The following TIAM1 variants were observed in gnomAD, a reference collection of about 807,000 sequenced individuals.
The protein encoded by TIAM1 is rho guanine nucleotide exchange factor TIAM1.
A neutral mutation model predicts 163.5 loss-of-function variants in TIAM1; 65 were observed. That is an observed-to-expected ratio of 0.40 (90% CI 0.33 to 0.49). The LOEUF (loss-of-function observed/expected upper bound fraction) is 0.49. TIAM1 is among the 20% of genes least tolerant of loss of function. TIAM1 has a pLI of 0.77. For synonymous variants in TIAM1, 833 were observed against 810.1 expected, an observed-to-expected ratio of 1.03 and a Z score of -0.48; for missense variants, 1,789 against 2,044.7, an observed-to-expected ratio of 0.87 and a Z score of 2.41.
chr21:31,285,365 G>A (rs983812823), intron 2 of TIAM1, among the ~76,000 whole-genome samples: 10 of 152,152 alleles, frequency 6.6e-5, no homozygotes, highest in African/African-American at 2.4e-4. Flanking sequence ...CAACAGAGAA[G>A]ATAATCCCAA....
chr21:31,220,466 T>A (rs1185903131), intron 8 of TIAM1, among the ~76,000 whole-genome samples: 3 of 152,180 alleles, frequency 2.0e-5, no homozygotes. Context: ...ACCTGCACGT[T>A]GTGCACATGT....
intron 16 of TIAM1, among the ~76,000 whole-genome samples, chr21:31,159,687 T>A (rs8129455): frequency 0.015 from 2,213 of 152,366 alleles, 49 homozygotes; most frequent in African/African-American, 0.049. Flanking sequence ...GAAGGCTTAT[T>A]TGAGCAAATC....
chr21:31,517,958 A>C (rs934896143), intron 1 of TIAM1, among the ~76,000 whole-genome samples: 1 of 152,218 alleles, frequency 6.6e-6, no homozygotes, highest in African/African-American at 2.4e-5. Context: ...GGTTCAAACA[A>C]GTATATGAGC....
At chr21:31,540,519 G>C (rs558205256) in intron 1 of TIAM1, among the ~76,000 whole-genome samples, 1 of 152,196 alleles carries the variant, frequency 6.6e-6, no homozygotes, top group Non-Finnish European at 1.5e-5. Context: ...CAGGAGGATC[G>C]CTTAAGCCTG....
chr21:31,210,630 A>G (rs1601559918), intron 10 of TIAM1, among the ~76,000 whole-genome samples: 2 of 18,802 alleles, frequency 1.1e-4, no homozygotes, highest in Admixed American at 4.6e-4. Context: ...AGAAAGAAAG[A>G]AAGAAAGAAA....
At chr21:31,289,648 T>A (rs898271604) in intron 2 of TIAM1, among the ~76,000 whole-genome samples, 10 of 152,178 alleles carry the variant, frequency 6.6e-5, no homozygotes, top group Non-Finnish European at 1.3e-4. Flanking sequence ...TCATTGCGAA[T>A]CAGATTTGTT....
intron 2 of TIAM1, among the ~76,000 whole-genome samples, chr21:31,439,733 T>C (rs981642620): frequency 1.3e-5 from 2 of 152,182 alleles, no homozygotes; most frequent in African/African-American, 4.8e-5. Flanking sequence ...TGGTAAGAAA[T>C]AGAACTTACT....
chr21:31,191,807 C>T (rs553821745), intron 13 of TIAM1, among the ~76,000 whole-genome samples: 2 of 152,306 alleles, frequency 1.3e-5, no homozygotes, highest in South Asian at 4.1e-4. Flanking sequence ...AAAATGTATA[C>T]AAACGGTAGC....
At chr21:31,303,544 A>G (rs1053288491) in intron 2 of TIAM1, among the ~76,000 whole-genome samples, 2 of 152,186 alleles carry the variant, frequency 1.3e-5, no homozygotes, top group African/African-American at 4.8e-5. Context: ...TCATATTTAA[A>G]TAACTTTTGA....
chr21:31,320,780 T>A (rs1477570324), intron 2 of TIAM1, among the ~76,000 whole-genome samples: 1 of 152,162 alleles, frequency 6.6e-6, no homozygotes, highest in Non-Finnish European at 1.5e-5. Flanking sequence ...GATCACTTGA[T>A]GCCACAAGTT....
chr21:31,233,618 T>A (rs2088563639), intron 6 of TIAM1, among the ~76,000 whole-genome samples: 1 of 152,154 alleles, frequency 6.6e-6, no homozygotes, highest in Non-Finnish European at 1.5e-5. Context: ...GGCAGGAGAA[T>A]TGCTCGAACC....
chr21:31,293,199 A>G (rs1206098817), intron 2 of TIAM1, among the ~76,000 whole-genome samples: 1 of 151,936 alleles, frequency 6.6e-6, no homozygotes. Context: ...AGGGTTGGAG[A>G]CCCAGGGAAA....
At chr21:31,181,756 CTTTTTT>C in intron 15 of TIAM1, among the ~76,000 whole-genome samples, 1 of 41,338 alleles carries the variant, frequency 2.4e-5, no homozygotes, top group African/African-American at 7.9e-5. Flanking sequence ...TCTTCTTCTT[CTTTTTT>C]TTTTTTTTTT....
rs137880091 is a variant in TIAM1, at chr21:31,136,394, A to C, written c.3775-353T>G. On this transcript the variant is annotated intron_variant, in intron 22 of 27. Transcript: ENST00000541036. ...CACCACCTCCCATCAAAACAGGCTG[A>C]AGATACAATATCCAGTTAACCTTTC... is the stretch of plus-strand genomic sequence containing the variant. 3.6e-3 allele frequency among the ~76,000 whole-genome samples: 551 copies of C among 152,340 alleles called. 1 individual carries two copies. The highest frequency in any genetic ancestry group is 0.012 in the African/African-American group (513 of 41,572).
intron 6 of TIAM1, among the ~76,000 whole-genome samples, chr21:31,239,226 G>A (rs2071042668): frequency 6.6e-6 from 1 of 151,954 alleles, no homozygotes; most frequent in African/African-American, 2.4e-5. Flanking sequence ...TGGTGCAAGT[G>A]ATCCTCCCAC....
At chr21:31,456,182 T>C (rs2147338316) in intron 2 of TIAM1, among the ~76,000 whole-genome samples, 1 of 152,356 alleles carries the variant, frequency 6.6e-6, no homozygotes, top group African/African-American at 2.4e-5. Flanking sequence ...TCTGTGACTG[T>C]TTAAAATTTG....
intron 8 of TIAM1, among the ~76,000 whole-genome samples, chr21:31,222,256 C>T (rs2087599633): frequency 6.6e-6 from 1 of 152,182 alleles, no homozygotes; most frequent in African/African-American, 2.4e-5. Flanking sequence ...TTTCTGGAAC[C>T]TGAGACTTAA....
intron 2 of TIAM1, among the ~76,000 whole-genome samples, chr21:31,396,726 G>C (rs1400697021): frequency 6.6e-6 from 1 of 151,842 alleles, no homozygotes; most frequent in Admixed American, 6.6e-5. Flanking sequence ...AAGGTGGGCG[G>C]ATCACTTGAG....
rs1004336961 is a variant in TIAM1, at chr21:31,380,113, A to C, written c.-368-40691T>G. On this transcript the variant is annotated intron_variant, in intron 2 of 28. Coordinates refer to the TIAM1 transcript ENST00000286827. ...CCCTGTCTCTACTAAAAATACAAAA[A>C]ATTGGCCAGGCATGGTGGTGCACAC... Among the ~76,000 whole-genome samples the C allele has an allele frequency of 2.0e-4, 30 of 151,284 alleles. 1 individual carries two copies. The highest frequency in any genetic ancestry group is 9.9e-4 in the Admixed American group (15 of 15,184).
Sources: allele counts gnomAD v4.1 joint callset (sites outside exome capture counted in the v4.1 genomes callset), GRCh38; gene constraint gnomAD v4.1.1; transcripts MANE v1.5; gene names NCBI Gene and HGNC (gene_info 2026-07-23, HGNC 2026-07-21).